The following NUFIP2 variants were observed in gnomAD, a reference collection of about 807,000 sequenced individuals.
The protein encoded by NUFIP2 is FMR1-interacting protein NUFIP2.
A neutral mutation model predicts 56.9 loss-of-function variants in NUFIP2; 6 were observed. The ratio of observed to expected loss-of-function variants is 0.11; its 90% CI spans 0.06 to 0.21. The LOEUF (loss-of-function observed/expected upper bound fraction) is 0.21, where lower values mean the gene tolerates loss of function less well. Ranked by LOEUF, NUFIP2 falls within the 10% of genes least tolerant of loss-of-function variation. The probability of loss-of-function intolerance (pLI) is 1.00; values close to 1 mark genes in which losing one functional copy is unlikely to be tolerated. For missense variants in NUFIP2, 828 were observed against 826.8 expected (o/e 1.00, Z -0.02); for synonymous variants, 321 against 298.2 (o/e 1.08, Z -0.79).
In NUFIP2 at chr17:29,293,971, G is replaced by GGCTGCT. The variant is rs577779578; in HGVS notation, c.83_88dup (p.Gln28_Gln29dup). On this transcript the variant is annotated inframe_insertion, in exon 1 of 4. Transcript: ENST00000225388. ...GAAATAATAATGGTGGTGGTGGTGC[G>GGCTGCT]GCTGCTGCTGCTGCTGCTGAGGGTG... 54 of 1,608,312 alleles carry GGCTGCT rather than the reference G, an allele frequency of 3.4e-5. No homozygotes were observed. The highest frequency in any genetic ancestry group is 5.0e-5 in the Admixed American group (3 of 59,938).
rs1206258254 is a variant in NUFIP2 at position 29,286,138 on chromosome 17, T to C, written c.1856A>G (p.Tyr619Cys). The stretch of plus-strand genomic sequence containing the variant: ...CAGAGGATTTTGACTTTCTATCTCG[T>C]AGTCCTTTGAGAGAAACACTAAAGC... ...QGALVFLSKD[Y>C]EIESQNPLAS... The change falls in exon 2 of 4, where the codon TAC becomes TGC. Residue 619 changes from tyrosine (Y) to cysteine (C), a missense_variant. Tyr to Cys is a radical substitution (Grantham distance 194). This residue lies in a region of NUFIP2 where 404 missense variants were observed against 380.3 expected (regional missense o/e 1.06). Coordinates refer to ENST00000225388, the MANE Select transcript of NUFIP2 (RefSeq NM_020772.3). The C allele has an allele frequency of 1.9e-6, 3 of 1,614,024 alleles. No individual in the cohort carries two copies. The highest frequency in any genetic ancestry group is 1.1e-5 in the South Asian group (1 of 91,090).
intron 3 of NUFIP2, among the ~76,000 whole-genome samples, chr17:29,266,197 C>A (rs902245419): frequency 6.6e-6 from 1 of 152,098 alleles, no homozygotes; most frequent in South Asian, 2.1e-4. Flanking sequence ...AACTCCTGAA[C>A]CTCAGGTGAT....
rs2068991866 is a variant in NUFIP2 at position 29,259,755 on chromosome 17, G to C, written c.*4784C>G. On this transcript the variant is annotated 3_prime_UTR_variant, in exon 4 of 4. Coordinates refer to ENST00000225388, the MANE Select transcript of NUFIP2 (RefSeq NM_020772.3). The stretch of plus-strand genomic sequence containing the variant: ...TGATTTACCATTCCCAATAATGCAA[G>C]AGCAACATACCAATCATGCTGCAAT... 6.6e-6 allele frequency: 1 copy of C among 152,160 alleles called. No individual in the cohort carries two copies. The highest frequency in any genetic ancestry group is 1.5e-5 in the Non-Finnish European group (1 of 68,036). The allele number at this position is 152,160 out of a possible 1,614,324, so 9.4% of individuals were successfully genotyped here.
In NUFIP2 at chr17:29,286,848, T is replaced by C. The variant is rs542762493; in HGVS notation, c.1146A>G (p.Ser382=). ...NSSVSPTSSS[S]SSSSTGETQT... is the part of the protein sequence containing the mutation. The stretch of plus-strand genomic sequence containing the variant: ...GAGTTTCCCCGGTAGATGATGAAGA[T>C]GATGAAGATGAAGTTGGTGACACAG... The change falls in exon 2 of 4, where the codon TCA becomes TCG. Residue 382 remains serine (S), a synonymous_variant. Coordinates refer to ENST00000225388, the MANE Select transcript of NUFIP2 (RefSeq NM_020772.3). The C allele has an allele frequency of 1.9e-6, 3 of 1,614,148 alleles. No individual in the cohort carries two copies. Among genetic ancestry groups the C allele is most frequent in the East Asian group, 4.5e-5 (2 of 44,886 alleles).
At position 29,260,833 on chromosome 17, in the gene NUFIP2, A is replaced by T. The variant is rs1359881223; in HGVS notation, c.*3706T>A. 1 of 152,176 alleles carries T rather than the reference A, an allele frequency of 6.6e-6. No individual in the cohort carries two copies. Among genetic ancestry groups the T allele is most frequent in the African/African-American group, 2.4e-5 (1 of 41,444 alleles). 9.4% of individuals were successfully genotyped at this position (152,176 alleles called of 1,614,324 possible). ...CTAGGTAAGCAGATGATTAAGGAGG[A>T]CAACAAAATTCTAAAATGGAGAAAC... On this transcript the variant is annotated 3_prime_UTR_variant, in exon 4 of 4. Transcript: ENST00000225388.
chr17:29,293,382 C>T (rs906308759), intron 1 of NUFIP2, among the ~76,000 whole-genome samples: 2 of 152,090 alleles, frequency 1.3e-5, no homozygotes, highest in Non-Finnish European at 2.9e-5. Context: ...TTCGCTAGGC[C>T]TTCCTGAGTT....
chr17:29,267,657 A>G (rs2069046702), intron 2 of NUFIP2, 127 bp from the exon 3 acceptor site: 2 of 568,888 alleles, frequency 3.5e-6, no homozygotes, highest in East Asian at 6.3e-5. Context: ...TGAAAATGGC[A>G]AAATTCTATG....
At chr17:29,292,725 G>A (rs2069223680) in intron 1 of NUFIP2, among the ~76,000 whole-genome samples, 1 of 149,042 alleles carries the variant, frequency 6.7e-6, no homozygotes, top group African/African-American at 2.5e-5. Flanking sequence ...CGCCGCACCC[G>A]GGAGCGGGAA....
intron 1 of NUFIP2, among the ~76,000 whole-genome samples, chr17:29,290,099 GGT>G (rs2069201765): frequency 6.6e-6 from 1 of 151,922 alleles, no homozygotes; most frequent in African/African-American, 2.4e-5. Flanking sequence ...TGGCCTGGCT[GGT>G]TTCGAACTCC....
chr17:29,273,942 GA>G (rs200704210), intron 2 of NUFIP2, among the ~76,000 whole-genome samples: 5 of 148,658 alleles, frequency 3.4e-5, no homozygotes, highest in Non-Finnish European at 7.5e-5. Context: ...CAAGTTGATT[GA>G]AAAAAAAATA....
chr17:29,258,298 T>C lies in NUFIP2; in HGVS notation c.*6241A>G, dbSNP rs1035088787. The stretch of plus-strand genomic sequence containing the variant: ...CAAGTTTGGGTATGTGCTTGAGAAA[T>C]GACTTTTCTTCTTGTCAAGTAGCAT... On this transcript the variant is annotated 3_prime_UTR_variant, in exon 4 of 4. Transcript: ENST00000225388. 2.0e-5 allele frequency: 3 copies of C among 152,186 alleles called. No individual in the cohort carries two copies. The highest frequency in any genetic ancestry group is 4.4e-5 in the Non-Finnish European group (3 of 68,028). 9.4% of individuals were successfully genotyped at this position (152,186 alleles called of 1,614,324 possible).
intron 1 of NUFIP2, among the ~76,000 whole-genome samples, chr17:29,290,662 AAAAAAG>A (rs2069206026): frequency 6.9e-6 from 1 of 145,886 alleles, no homozygotes. Flanking sequence ...TCAAAAAAAA[AAAAAAG>A]AAAGAAAGAA....
Position 29,264,042 on chromosome 17 carries a change from A to T in NUFIP2, c.*497T>A, listed in dbSNP as rs755324120. 3 of 152,594 alleles carry T rather than the reference A, an allele frequency of 2.0e-5. No individual in the cohort carries two copies. The highest frequency in any genetic ancestry group is 4.4e-5 in the Non-Finnish European group (3 of 68,040). 9.5% of individuals were successfully genotyped at this position (152,594 alleles called of 1,614,324 possible). The stretch of plus-strand genomic sequence containing the variant: ...GCTTAATTAAAGTAAAACCAAAAAG[A>T]TCAAGGGAGGAGTGGGGGGAAAATG... On this transcript the variant is annotated 3_prime_UTR_variant, in exon 4 of 4. Transcript: ENST00000225388.
chr17:29,268,105 G>T (rs1017129371), intron 2 of NUFIP2, among the ~76,000 whole-genome samples: 4 of 152,060 alleles, frequency 2.6e-5, no homozygotes, highest in Non-Finnish European at 5.9e-5. Flanking sequence ...CACCATGTTG[G>T]CCAGGATGGT....
At chr17:29,271,799 G>T (rs1460194191) in intron 2 of NUFIP2, among the ~76,000 whole-genome samples, 6 of 151,574 alleles carry the variant, frequency 4.0e-5, no homozygotes, top group African/African-American at 1.2e-4. Flanking sequence ...GGCCGGGCGC[G>T]GTGGCTCTCA....
At position 29,259,597 on chromosome 17, in the gene NUFIP2, G is replaced by GA. The variant is rs1567673430; in HGVS notation, c.*4941_*4942insT. 6.8e-6 allele frequency: 1 copy of GA among 146,376 alleles called. No individual in the cohort carries two copies. Among genetic ancestry groups the GA allele is most frequent in the African/African-American group, 2.5e-5 (1 of 40,040 alleles). The allele number at this position is 146,376 out of a possible 1,614,324, so 9.1% of individuals were successfully genotyped here. A position where few individuals can be genotyped will look rare whatever the true frequency, so the allele number is the denominator to read the frequency against. ...TCTCAAAAAAAAAAAGGTGGGGGGG[G>GA]GGGGGATACTGCAGTATTATAAAAT... On this transcript the variant is annotated 3_prime_UTR_variant, in exon 4 of 4. Coordinates refer to ENST00000225388, the MANE Select transcript of NUFIP2 (RefSeq NM_020772.3).
intron 2 of NUFIP2, among the ~76,000 whole-genome samples, chr17:29,282,538 A>G (rs1277455631): frequency 6.8e-6 from 1 of 146,758 alleles, no homozygotes; most frequent in Non-Finnish European, 1.5e-5. Context: ...ACAGAGCAAG[A>G]CCCCATCTCA....
chr17:29,258,540 T>C lies in NUFIP2; in HGVS notation c.*5999A>G, dbSNP rs560735955. ...CCTTTAAGCCATTCTTCCCAATTCC[T>C]CTTTCTGAGGCAGAGAGAGGGAATA... On this transcript the variant is annotated 3_prime_UTR_variant, in exon 4 of 4. Transcript: ENST00000225388. 2 of 152,312 alleles carry C rather than the reference T, an allele frequency of 1.3e-5. No homozygotes were observed. The highest frequency in any genetic ancestry group is 2.9e-5 in the Non-Finnish European group (2 of 68,014). 9.4% of individuals were successfully genotyped at this position (152,312 alleles called of 1,614,324 possible).
At chr17:29,265,213 T>C (rs1185362615) in intron 3 of NUFIP2, among the ~76,000 whole-genome samples, 1 of 152,148 alleles carries the variant, frequency 6.6e-6, no homozygotes, top group Non-Finnish European at 1.5e-5. Flanking sequence ...GGAAGAAGAC[T>C]CCAGGGTTAT....
Sources: gnomAD v4.1 joint callset for allele counts (sites outside exome capture counted in the v4.1 genomes callset) on GRCh38, gnomAD v4.1.1 for gene constraint, gnomAD v4.1.1 regional missense constraint, MANE v1.5 for transcripts, NCBI Gene and HGNC (gene_info 2026-07-23, HGNC 2026-07-21) for gene names.